Variants in LTBP1 observed in about 807,000 individuals in gnomAD.
The protein encoded by LTBP1 is latent transforming growth factor beta binding protein 1.
In LTBP1, 129 loss-of-function variants were observed where a neutral mutation model predicts 207.6. That is an observed-to-expected ratio of 0.62 (90% CI 0.54 to 0.72). The LOEUF (loss-of-function observed/expected upper bound fraction) is 0.72, where lower values mean the gene tolerates loss of function less well. Ranked by LOEUF, LTBP1 falls within the 30% of genes least tolerant of loss-of-function variation. The pLI is 0.00. For synonymous variants in LTBP1, 963 were observed against 833.7 expected, an observed-to-expected ratio of 1.16 and a Z score of -2.67; for missense variants, 2,281 against 2,217.2, an observed-to-expected ratio of 1.03 and a Z score of -0.58.
Position 33,398,479 on chromosome 2 carries a change from C to T in LTBP1, c.5100C>T (p.Asp1700=), listed in dbSNP as rs2095380083. ...GTCTGCCAGGCTACGTGCCTTCTGA[C>T]AAGCCAAACTACTGCACTCCGTTGA... is the stretch of plus-strand genomic sequence containing the variant. ...CLCLPGYVPS[D]KPNYCTPLNT... is the part of the protein sequence containing the mutation. The change falls in exon 34 of 34, where the codon GAC becomes GAT. Residue 1700 remains aspartate, a synonymous_variant. Coordinates refer to ENST00000404816, the MANE Select transcript of LTBP1 (RefSeq NM_206943.4). 6.2e-7 allele frequency: 1 copy of T among 1,614,112 alleles called. No individual in the cohort carries two copies.
At position 33,003,944 on chromosome 2, in the gene LTBP1, C is replaced by A. The variant is rs190581042; in HGVS notation, c.566-16965C>A. 3.6e-3 allele frequency among the ~76,000 whole-genome samples: 550 copies of A among 152,238 alleles called. 4 individuals are homozygous for A. Among genetic ancestry groups the A allele is most frequent in the African/African-American group, 0.013 (528 of 41,536 alleles). On this transcript the variant is annotated intron_variant, in intron 2 of 33. Transcript: ENST00000404816. The stretch of plus-strand genomic sequence containing the variant: ...TGCCTGTCCAACGTTGGGTTGATGC[C>A]ACCATTGTTACTGATACCTGTACCC...
At chr2:33,396,993 A>G (rs541467117) in intron 32 of LTBP1, 140 bp from the exon 33 acceptor site, 8 of 687,622 alleles carry the variant, frequency 1.2e-5, no homozygotes, top group Admixed American at 9.3e-5. Context: ...CAGTATTTCT[A>G]ATGCTAACTT....
intron 3 of LTBP1, among the ~76,000 whole-genome samples, chr2:33,047,932 G>A (rs1046411854): frequency 6.6e-6 from 1 of 152,014 alleles, no homozygotes; most frequent in Non-Finnish European, 1.5e-5. Context: ...GACTAGGATT[G>A]CAACCTCTGC....
intron 22 of LTBP1, among the ~76,000 whole-genome samples, chr2:33,306,266 T>A (rs1384717163): frequency 2.0e-5 from 3 of 152,184 alleles, no homozygotes; most frequent in Non-Finnish European, 4.4e-5. Flanking sequence ...AGAATCAAAT[T>A]GCTTTAAAGT....
At chr2:33,297,472 C>T (rs888278614) in intron 20 of LTBP1, among the ~76,000 whole-genome samples, 1 of 151,570 alleles carries the variant, frequency 6.6e-6, no homozygotes, top group African/African-American at 2.4e-5. Context: ...CGCTTTGTCG[C>T]CCAGGCTGGA....
At chr2:33,173,111 A>G (rs1414242596) in intron 5 of LTBP1, among the ~76,000 whole-genome samples, 1 of 152,214 alleles carries the variant, frequency 6.6e-6, no homozygotes, top group Admixed American at 6.5e-5. Flanking sequence ...AAGCAAGAGC[A>G]AACACATTCA....
At chr2:33,031,833 A>G (rs1174358597) in intron 3 of LTBP1, among the ~76,000 whole-genome samples, 1 of 152,050 alleles carries the variant, frequency 6.6e-6, no homozygotes, top group African/African-American at 2.4e-5. Context: ...GCTCCGAGGA[A>G]TATGAAGATG....
At chr2:32,977,964 T>C (rs1349996603) in intron 2 of LTBP1, among the ~76,000 whole-genome samples, 4 of 152,210 alleles carry the variant, frequency 2.6e-5, no homozygotes, top group South Asian at 4.1e-4. Context: ...TATTTTATTT[T>C]ATTTGTAGCT....
chr2:33,382,111 T>TTTTTG (rs1553316521), intron 31 of LTBP1, among the ~76,000 whole-genome samples: 2 of 103,622 alleles, frequency 1.9e-5, no homozygotes, highest in African/African-American at 9.7e-5. Flanking sequence ...TTTTTTTTTT[T>TTTTTG]TGAGACAGAG....
rs909883521 is a variant in LTBP1 at position 33,154,993 on chromosome 2, G to C, written c.1201+20033G>C. On this transcript the variant is annotated intron_variant, in intron 5 of 33. Transcript: ENST00000404816. The stretch of plus-strand genomic sequence containing the variant: ...CAGGAGAATCACTTGAACCTGGGAG[G>C]TGGAGGACGCAGTGAGCCGAGATCA... 2.6e-5 allele frequency among the ~76,000 whole-genome samples: 4 copies of C among 152,256 alleles called. 1 individual carries two copies. The South Asian group carries it at 8.3e-4, about 32-fold the overall frequency.
chr2:32,977,817 T>C (rs1422415234), intron 2 of LTBP1, among the ~76,000 whole-genome samples: 1 of 152,188 alleles, frequency 6.6e-6, no homozygotes, highest in Non-Finnish European at 1.5e-5. Context: ...CTTGCTGCCT[T>C]GATGGATCCC....
At chr2:33,111,051 G>A (rs2080371903) in intron 4 of LTBP1, among the ~76,000 whole-genome samples, 1 of 152,174 alleles carries the variant, frequency 6.6e-6, no homozygotes, top group South Asian at 2.1e-4. Flanking sequence ...CCAGTCATAT[G>A]TCTGACATGT....
chr2:33,119,702 C>T (rs187088729), intron 4 of LTBP1, among the ~76,000 whole-genome samples: 28 of 152,248 alleles, frequency 1.8e-4, no homozygotes, highest in South Asian at 6.2e-4. Flanking sequence ...GGACTACAGG[C>T]GCCTGCCACC....
intron 10 of LTBP1, among the ~76,000 whole-genome samples, 178 bp downstream of exon 10, chr2:33,243,962 C>A (rs1361367901): frequency 7.2e-5 from 11 of 152,086 alleles, no homozygotes; most frequent in Admixed American, 7.2e-4. Flanking sequence ...TATCATGGAA[C>A]CTTCTCTAAA....
chr2:33,230,011 C>A (rs1295569497), intron 9 of LTBP1, among the ~76,000 whole-genome samples: 4 of 152,158 alleles, frequency 2.6e-5, no homozygotes, highest in Non-Finnish European at 5.9e-5. Flanking sequence ...ATTTCACTCC[C>A]TTTGTGATAT....
chr2:33,001,070 GCTGACCTTTAGTCCCTGAGCTGC>G (rs1247221464), intron 2 of LTBP1, among the ~76,000 whole-genome samples: 3 of 134,546 alleles, frequency 2.2e-5, no homozygotes, highest in Non-Finnish European at 3.3e-5. Context: ...TTCCTGACAC[GCTGACCTTTAGTCCCTGAGCTGC>G]CTCATACCTG....
In LTBP1 at chr2:33,271,184, T is replaced by C. The variant is rs1033544375; in HGVS notation, c.2618-2472T>C. Among the ~76,000 whole-genome samples, 3 of 152,222 alleles carry C rather than the reference T, an allele frequency of 2.0e-5. 1 individual carries two copies. Among genetic ancestry groups the C allele is most frequent in the Admixed American group, 2.0e-4 (3 of 15,278 alleles). On this transcript the variant is annotated intron_variant, in intron 15 of 33. Coordinates refer to ENST00000404816, the MANE Select transcript of LTBP1 (RefSeq NM_206943.4). Reference sequence around the variant, plus strand: ...GACAAATACTTGGTAATCACCAAATTGGTATTGTGGGAGTGGGTTAGTGAC... The same window carrying C: ...GACAAATACTTGGTAATCACCAAATCGGTATTGTGGGAGTGGGTTAGTGAC...
Position 32,947,457 on chromosome 2 carries a change from C to G in LTBP1, c.133C>G (p.Leu45Val), listed in dbSNP as rs888287097. The G allele has an allele frequency of 3.7e-5, 53 of 1,443,886 alleles. No individual in the cohort carries two copies. The highest frequency in any genetic ancestry group is 4.7e-5 in the Non-Finnish European group (52 of 1,101,192). 89.4% of individuals were successfully genotyped at this position (1,443,886 alleles called of 1,614,324 possible). A position where few individuals can be genotyped will look rare whatever the true frequency, so the allele number is the denominator to read the frequency against. ...GPGLAAGALP[L>V]SGPPRSRTFN... is the part of the protein sequence containing the mutation. ...CGGCCTGGCAGCCGGCGCCTTGCCC[C>G]TGAGCGGGCCCCCGCGTTCGCGGAC... Residue 45 changes from leucine to valine, a missense_variant, in exon 1 of 34, where the codon CTG (leucine) becomes GTG (valine). Leu to Val is a conservative substitution (Grantham distance 32). Transcript: ENST00000404816.
chr2:33,353,314 T>G (rs187984939), intron 26 of LTBP1, among the ~76,000 whole-genome samples: 2 of 152,234 alleles, frequency 1.3e-5, no homozygotes, highest in East Asian at 3.9e-4. Flanking sequence ...TCTCAAGCCT[T>G]TTTAAAAGTC....
Sources: allele counts gnomAD v4.1 joint callset (sites outside exome capture counted in the v4.1 genomes callset), GRCh38; gene constraint gnomAD v4.1.1; transcripts MANE v1.5; gene names NCBI Gene and HGNC (gene_info 2026-07-23, HGNC 2026-07-21).